The following MKRN2OS variants were observed in gnomAD, a reference collection of about 807,000 sequenced individuals.
The protein encoded by MKRN2OS is MKRN2 opposite strand protein.
MKRN2OS carries 17 observed loss-of-function variants against 18.2 expected under a neutral mutation model. That is an observed-to-expected ratio of 0.93 (90% CI 0.64 to 1.40). The LOEUF is 1.40. MKRN2OS is among the 40% of genes most tolerant of loss of function. MKRN2OS has a pLI of 0.00. For missense variants in MKRN2OS, 337 were observed against 283.0 expected, an observed-to-expected ratio of 1.19 and a Z score of -1.37; for synonymous variants, 121 against 108.5, an observed-to-expected ratio of 1.12 and a Z score of -0.72.
At chr3:12,552,304 C>T (rs1285603693), downstream of MKRN2OS, among the ~76,000 whole-genome samples, 1 of 149,078 alleles carries the variant, frequency 6.7e-6, no homozygotes, top group Non-Finnish European at 1.5e-5. Flanking sequence ...AACAACAGAA[C>T]AAGACCATCT....
upstream of MKRN2OS, among the ~76,000 whole-genome samples, chr3:12,546,215 C>T (rs953079066): frequency 2.6e-5 from 4 of 152,082 alleles, no homozygotes; most frequent in African/African-American, 9.7e-5. Context: ...ATAAATAAAT[C>T]CTTATTTAAG....
At chr3:12,541,263 G>C (rs2057806257) in intron 3 of MKRN2OS, among the ~76,000 whole-genome samples, 1 of 151,878 alleles carries the variant, frequency 6.6e-6, no homozygotes, top group African/African-American at 2.4e-5. Flanking sequence ...TTACTCTCTT[G>C]CCCAGGCTGG....
chr3:12,546,808 C>T (rs538827818), upstream of MKRN2OS, among the ~76,000 whole-genome samples: 205 of 152,174 alleles, frequency 1.3e-3, no homozygotes, highest in African/African-American at 4.7e-3. Context: ...AAACTCCTGA[C>T]CTCAGGTGAT....
upstream of MKRN2OS, among the ~76,000 whole-genome samples, chr3:12,548,289 A>C (rs572786528): frequency 6.6e-6 from 1 of 152,226 alleles, no homozygotes; most frequent in South Asian, 2.1e-4. Context: ...TGTACTAAAA[A>C]TACAAAAAAT....
exon 2 of MKRN2OS, chr3:12,553,946 A>G (rs1183148706): frequency 6.6e-6 from 1 of 152,164 alleles, no homozygotes; most frequent in African/African-American, 2.4e-5. Context: ...GTCGGCACAC[A>G]AAGAAAACGA....
chr3:12,545,774 A>G (rs553550931), upstream of MKRN2OS, among the ~76,000 whole-genome samples: 2 of 152,216 alleles, frequency 1.3e-5, no homozygotes, highest in South Asian at 4.1e-4. Context: ...CTTCCCTTGC[A>G]GTGGCAGCGC....
downstream of MKRN2OS, among the ~76,000 whole-genome samples, chr3:12,550,519 C>G (rs1467655644): frequency 6.6e-6 from 1 of 152,164 alleles, no homozygotes; most frequent in Non-Finnish European, 1.5e-5. Context: ...ATAGAGTAAG[C>G]CTGGGCAAAA....
At chr3:12,550,048 C>CGT (rs1228119862), upstream of MKRN2OS, among the ~76,000 whole-genome samples, 1 of 152,170 alleles carries the variant, frequency 6.6e-6, no homozygotes, top group Non-Finnish European at 1.5e-5. Flanking sequence ...TATTACAAAA[C>CGT]TCAACAAACT....
chr3:12,558,755 T>G (rs540645406), intron 1 of MKRN2OS, among the ~76,000 whole-genome samples: 3 of 152,322 alleles, frequency 2.0e-5, no homozygotes, highest in East Asian at 3.9e-4. Context: ...AGGGGTGTTC[T>G]GTAGGATGTT....
downstream of MKRN2OS, among the ~76,000 whole-genome samples, chr3:12,553,554 A>G (rs1388873152): frequency 6.6e-6 from 1 of 152,082 alleles, no homozygotes; most frequent in Non-Finnish European, 1.5e-5. Flanking sequence ...CATTTTAATT[A>G]AAATATTAAA....
intron 1 of MKRN2OS, chr3:12,557,040 C>T (rs2057978331): frequency 8.5e-7 from 1 of 1,171,980 alleles, no homozygotes; most frequent in Non-Finnish European, 1.1e-6. Flanking sequence ...CGTGCGCCGG[C>T]GTGCGCCGGC....
At chr3:12,557,192 C>A in intron 1 of MKRN2OS, 1 of 1,534,320 alleles carries the variant, frequency 6.5e-7, no homozygotes, top group East Asian at 2.5e-5. Flanking sequence ...TGCGCTGGAG[C>A]CAGGAGCTTC....
chr3:12,547,386 A>T (rs538267171), upstream of MKRN2OS, among the ~76,000 whole-genome samples: 2 of 152,204 alleles, frequency 1.3e-5, no homozygotes, highest in African/African-American at 2.4e-5. Context: ...TCTACAAAAA[A>T]TACAAAAATT....
At chr3:12,543,378 G>C in intron 1 of MKRN2OS, 149 bp from the exon 2 acceptor site, 2 of 616,240 alleles carry the variant, frequency 3.2e-6, no homozygotes, top group Non-Finnish European at 5.6e-6. Flanking sequence ...CTTGAGGCCA[G>C]GAGTTTGAGA....
intron 1 of MKRN2OS, 120 bp downstream of exon 1, chr3:12,545,127 G>T: frequency 1.3e-6 from 1 of 748,362 alleles, no homozygotes; most frequent in Non-Finnish European, 2.1e-6. Flanking sequence ...TAAAGCCAAA[G>T]CACCGAAAAA....
At chr3:12,541,596 T>C (rs1559379900) in intron 3 of MKRN2OS, among the ~76,000 whole-genome samples, 1 of 152,232 alleles carries the variant, frequency 6.6e-6, no homozygotes, top group African/African-American at 2.4e-5. Flanking sequence ...CCTTGTCACA[T>C]AACTAAAATA....
In MKRN2OS at chr3:12,543,181, A is replaced by G. The variant is rs1204270118; in HGVS notation, c.267T>C (p.Asn89=). ...SDLHVGITNT[N]GVVYNYSAHG... ...TTTAAGCTACAAAACTGCACTTACC[A>G]TTTGTGTTAGTTATTCCAACATGAA... Residue 89 remains asparagine (N), a splice_region_variant and synonymous_variant, in exon 2 of 4, where the codon AAT becomes AAC. Transcript: ENST00000564146. The G allele has an allele frequency of 3.9e-6, 6 of 1,535,402 alleles. No individual in the cohort carries two copies. The highest frequency in any genetic ancestry group is 2.4e-5 in the South Asian group (2 of 84,012).
chr3:12,543,148 A>C (rs925720725), intron 2 of MKRN2OS, 32 bp downstream of exon 2: 1 of 1,514,940 alleles, frequency 6.6e-7, no homozygotes, highest in Non-Finnish European at 8.9e-7. Context: ...GCTGGGTAGT[A>C]GGGGTTTTTT....
At position 12,554,936 on chromosome 3, in the gene MKRN2OS, C is replaced by T. The variant is rs367695689; in HGVS notation, n.265-802G>A. ...CAGGAGACTGAGACTTTTCACTTTA[C>T]GCTTTTAAAATATTTGAACATAATA... is the stretch of plus-strand genomic sequence containing the variant. On this transcript the variant is annotated intron_variant and non_coding_transcript_variant, in intron 1 of 1. Transcript: ENST00000447550. Among the ~76,000 whole-genome samples, 57 of 152,238 alleles carry T rather than the reference C, an allele frequency of 3.7e-4. No homozygotes were observed. In the South Asian group the frequency reaches 0.011, roughly 28 times the overall value.
Sources: allele counts gnomAD v4.1 joint callset (sites outside exome capture counted in the v4.1 genomes callset), GRCh38; gene constraint gnomAD v4.1.1; transcripts MANE v1.5; gene names NCBI Gene and HGNC (gene_info 2026-07-23, HGNC 2026-07-21).